RIPOR3: variants seen among roughly 807,000 people sequenced by gnomAD.
RIPOR3 encodes family with sequence similarity 65 member C.
A neutral mutation model predicts 114.3 loss-of-function variants in RIPOR3; 95 were observed. The observed-to-expected ratio is 0.83, with a 90% CI of 0.70 to 0.99. RIPOR3 has a LOEUF of 0.99. Ranked by LOEUF, RIPOR3 falls within the 50% of genes least tolerant of loss-of-function variation. RIPOR3 has a pLI of 0.00. For missense variants in RIPOR3, 1,252 were observed against 1,266.9 expected (o/e 0.99, Z 0.18); for synonymous variants, 575 against 543.8 (o/e 1.06, Z -0.80).
chr20:50,647,343 C>T (rs997358149), intron 1 of RIPOR3, among the ~76,000 whole-genome samples: 8 of 151,950 alleles, frequency 5.3e-5, no homozygotes, highest in African/African-American at 1.9e-4. Flanking sequence ...AGAAAAGTGA[C>T]GTCTGGGGAC....
At chr20:50,599,044 A>G (rs2083401264) in intron 13 of RIPOR3, among the ~76,000 whole-genome samples, 2 of 152,132 alleles carry the variant, frequency 1.3e-5, no homozygotes, top group South Asian at 2.1e-4. Flanking sequence ...AGTTTTATCA[A>G]CTCAGCAATG....
intron 1 of RIPOR3, among the ~76,000 whole-genome samples, chr20:50,678,041 T>C (rs1186929216): frequency 3.9e-5 from 6 of 152,144 alleles, no homozygotes; most frequent in African/African-American, 7.2e-5. Context: ...GTGGAGGTGC[T>C]GGGAAGTCAG....
chr20:50,674,920 T>TA (rs1308910309), intron 1 of RIPOR3, among the ~76,000 whole-genome samples: 1 of 151,684 alleles, frequency 6.6e-6, no homozygotes, highest in Non-Finnish European at 1.5e-5. Flanking sequence ...CCATCTCTAT[T>TA]AAAAAATAAA....
chr20:50,677,525 C>A (rs1242863017), intron 1 of RIPOR3, among the ~76,000 whole-genome samples: 1 of 151,820 alleles, frequency 6.6e-6, no homozygotes, highest in Non-Finnish European at 1.5e-5. Flanking sequence ...ACACACACCA[C>A]CACACCTGGC....
intron 15 of RIPOR3, 114 bp from the exon 16 acceptor site, chr20:50,595,618 C>G (rs556181405): frequency 1.4e-6 from 2 of 1,407,916 alleles, no homozygotes; most frequent in South Asian, 2.6e-5. Context: ...GGGGGCAGCT[C>G]CCTGACTGTC....
chr20:50,662,849 C>G lies in RIPOR3; in HGVS notation c.3+28277G>C, dbSNP rs564732774. Reference sequence around the variant, plus strand: ...GTGGCTCACGCCTGTAATCCCAACACTTGGGGAGGCCGAGGCGGGTGGGTC... The same window carrying G: ...GTGGCTCACGCCTGTAATCCCAACAGTTGGGGAGGCCGAGGCGGGTGGGTC... On this transcript the variant is annotated intron_variant, in intron 1 of 21. Coordinates refer to ENST00000327979, the MANE Select transcript of RIPOR3 (RefSeq NM_001290268.2). Among the ~76,000 whole-genome samples the G allele has an allele frequency of 3.9e-5, 6 of 152,352 alleles. No individual in the cohort carries two copies. In the South Asian group the frequency reaches 1.0e-3, roughly 26 times the overall value.
In RIPOR3 at chr20:50,587,281, T is replaced by C. The variant is rs948753664; in HGVS notation, c.2804A>G (p.Gln935Arg). Residue 935 changes from glutamine (Q) to arginine (R), a missense_variant, in exon 22 of 22, where the codon CAA becomes CGA. Physicochemically the swap from Gln to Arg is conservative, Grantham distance 43. Coordinates refer to ENST00000327979, the MANE Select transcript of RIPOR3 (RefSeq NM_001290268.2). ...FEKMDKLCSE[Q>R]REVFCQEADV... ...TGCCTCCTGGCAAAAGACTTCTCTT[T>C]GTTCTGAGCAGAGCTTGTCCATCTT... 2 of 1,614,268 alleles carry C rather than the reference T, an allele frequency of 1.2e-6. No individual in the cohort carries two copies. Among genetic ancestry groups the C allele is most frequent in the Admixed American group, 1.7e-5 (1 of 60,032 alleles).
chr20:50,648,523 G>A (rs1172660059), intron 1 of RIPOR3, among the ~76,000 whole-genome samples: 1 of 151,712 alleles, frequency 6.6e-6, no homozygotes, highest in Non-Finnish European at 1.5e-5. Context: ...CCAGGGTGGG[G>A]GTTGGGTGGG....
intron 14 of RIPOR3, 79 bp downstream of exon 14, chr20:50,597,501 G>C (rs185893881): frequency 1.3e-6 from 2 of 1,530,012 alleles, no homozygotes; most frequent in African/African-American, 1.4e-5. Context: ...AGACGGGGAG[G>C]CTGGCAGGAA....
Position 50,617,162 on chromosome 20 carries a change from G to A in RIPOR3, c.270-1082C>T, listed in dbSNP as rs367976034. ...TTCCAAAACAAAGAAGGTGGGGGGC[G>A]TCTAGATTTGGGGGCCAAGGCAGGG... is the stretch of plus-strand genomic sequence containing the variant. On this transcript the variant is annotated intron_variant, in intron 3 of 21. Transcript: ENST00000327979. Among the ~76,000 whole-genome samples the A allele has an allele frequency of 3.0e-4, 46 of 152,176 alleles. No homozygotes were observed. In the South Asian group the frequency reaches 5.2e-3, roughly 17 times the overall value.
chr20:50,657,748 C>CT (rs1272938455), intron 1 of RIPOR3, among the ~76,000 whole-genome samples: 10,912 of 109,042 alleles, frequency 0.1, 886 homozygotes, highest in East Asian at 0.17. Flanking sequence ...ATGTCTTTTA[C>CT]TTTTTTTTTT....
chr20:50,641,345 G>A (rs549034075), intron 1 of RIPOR3, among the ~76,000 whole-genome samples: 7 of 152,310 alleles, frequency 4.6e-5, no homozygotes, highest in Admixed American at 1.3e-4. Flanking sequence ...CTCCTGAGTA[G>A]CTGGGACTAC....
intron 3 of RIPOR3, among the ~76,000 whole-genome samples, chr20:50,617,628 CTTTTTTT>C (rs71190578): frequency 1.8e-5 from 2 of 110,442 alleles, no homozygotes; most frequent in African/African-American, 7.7e-5. Context: ...GGTGGTTTCC[CTTTTTTT>C]TTTTTTTTTT....
At chr20:50,687,667 T>G (rs982078782) in intron 1 of RIPOR3, among the ~76,000 whole-genome samples, 7 of 152,146 alleles carry the variant, frequency 4.6e-5, no homozygotes, top group African/African-American at 1.7e-4. Flanking sequence ...TTTGGGAGGC[T>G]GAGGTAGGTG....
At chr20:50,649,976 A>T (rs1165418360) in intron 1 of RIPOR3, among the ~76,000 whole-genome samples, 1 of 152,066 alleles carries the variant, frequency 6.6e-6, no homozygotes, top group Non-Finnish European at 1.5e-5. Context: ...ACAGGCACAT[A>T]CTTTATAGCC....
chr20:50,669,588 G>A (rs1600731890), intron 1 of RIPOR3, among the ~76,000 whole-genome samples: 2 of 152,322 alleles, frequency 1.3e-5, no homozygotes, highest in East Asian at 3.9e-4. Flanking sequence ...GCTGCGCACT[G>A]ACCCTCTGGG....
intron 1 of RIPOR3, among the ~76,000 whole-genome samples, chr20:50,670,608 T>A (rs1568952176): frequency 1.3e-5 from 2 of 152,188 alleles, no homozygotes. Context: ...AGCATGGATA[T>A]CCGTCACCAG....
intron 1 of RIPOR3, among the ~76,000 whole-genome samples, chr20:50,659,174 C>T (rs2085913832): frequency 1.3e-5 from 2 of 152,166 alleles, no homozygotes; most frequent in South Asian, 4.1e-4. Context: ...CAGAAGCCAC[C>T]CTGCCGCTGG....
intron 8 of RIPOR3, 123 bp from the exon 9 acceptor site, chr20:50,609,078 G>C (rs2083849384): frequency 2.2e-6 from 3 of 1,377,434 alleles, no homozygotes; most frequent in Non-Finnish European, 3.0e-6. Context: ...GGATGGGGGG[G>C]AGGTACACCA....
Sources: gnomAD v4.1 joint callset for allele counts (sites outside exome capture counted in the v4.1 genomes callset) on GRCh38, gnomAD v4.1.1 for gene constraint, MANE v1.5 for transcripts, NCBI Gene and HGNC (gene_info 2026-07-23, HGNC 2026-07-21) for gene names.